Variants in LSS observed in about 807,000 individuals in gnomAD.
The protein encoded by LSS is 2,3-epoxysqualene-lanosterol cyclase.
LSS carries 90 observed loss-of-function variants against 110.3 expected under a neutral mutation model. The observed-to-expected ratio is 0.82, with a 90% confidence interval of 0.69 to 0.97. The LOEUF (loss-of-function observed/expected upper bound fraction) is 0.97, where lower values mean the gene tolerates loss of function less well. Ranked by LOEUF, LSS falls within the 50% of genes least tolerant of loss-of-function variation. LSS has a pLI of 0.00. For synonymous variants in LSS, 433 were observed against 400.0 expected, an observed-to-expected ratio of 1.08 and a Z score of -0.98; for missense variants, 927 against 990.0, an observed-to-expected ratio of 0.94 and a Z score of 0.85.
rs755472344 is a variant in LSS at position 46,194,563 on chromosome 21, C to T, written c.1916G>A (p.Arg639Gln). The T allele has an allele frequency of 9.3e-6, 15 of 1,613,700 alleles. No individual in the cohort carries two copies. The highest frequency in any genetic ancestry group is 1.7e-5 in the Admixed American group (1 of 59,992). Residue 639 changes from arginine (R) to glutamine (Q), a missense_variant, in exon 20 of 22, where the codon CGG (arginine) becomes CAG (glutamine). Coordinates refer to ENST00000397728, the MANE Select transcript of LSS (RefSeq NM_002340.6). ...WGEDFESCEE[R>Q]RYLQSAQSQI... ...GGACTGGGCACTCTGCAAATAACGC[C>T]GCTCCTCGCAGGACTCAAAGTCCTC...
At chr21:46,218,349 C>G (rs1265118275) in intron 6 of LSS, among the ~76,000 whole-genome samples, 1 of 83,444 alleles carries the variant, frequency 1.2e-5, no homozygotes, top group Non-Finnish European at 2.6e-5. Context: ...CCACATAAGG[C>G]CGGGAGCAGT....
chr21:46,203,312 G>T (rs1277280426), intron 17 of LSS, among the ~76,000 whole-genome samples: 3 of 152,222 alleles, frequency 2.0e-5, no homozygotes, highest in Non-Finnish European at 4.4e-5. Context: ...TGAGTAAAAT[G>T]ACACAACACC....
rs1050000613 is a variant in LSS at position 46,216,768 on chromosome 21, G to C, written c.648-244C>G. ...TTTTGCATCCTAAAACCAGGTGATG[G>C]AGCTCCTAAATGCTTAGGATTGTCC... On this transcript the variant is annotated intron_variant, in intron 6 of 21. Transcript: ENST00000397728. This position sits in a 1 kb window ranked among gnomAD's most constrained non-coding sequence, Gnocchi z 4.2. 5.3e-5 allele frequency among the ~76,000 whole-genome samples: 8 copies of C among 152,150 alleles called. No homozygotes were observed. The highest frequency in any genetic ancestry group is 1.9e-4 in the African/African-American group (8 of 41,438).
At chr21:46,215,399 C>CGGGGGGGGGG in intron 8 of LSS, 101 bp from the exon 9 acceptor site, 2 of 567,180 alleles carry the variant, frequency 3.5e-6, no homozygotes, top group Non-Finnish European at 6.0e-6. Context: ...CCCAGGGTTT[C>CGGGGGGGGGG]CCCCTCCCAC....
At chr21:46,222,794 C>T in intron 3 of LSS, 56 bp from the exon 4 acceptor site, 1 of 1,346,780 alleles carries the variant, frequency 7.4e-7, no homozygotes, top group Non-Finnish European at 1.1e-6. Context: ...ACTGCTAAGA[C>T]CAGGCCCCTT....
At chr21:46,194,118 T>C (rs774501883) in intron 20 of LSS, among the ~76,000 whole-genome samples, 2 of 152,160 alleles carry the variant, frequency 1.3e-5, no homozygotes, top group African/African-American at 2.4e-5. Flanking sequence ...GTGAACACAG[T>C]AGGGCCACAG....
rs77403751 is a variant in LSS at position 46,214,739 on chromosome 21, C to G, written c.1011+441G>C. 7.8e-3 allele frequency among the ~76,000 whole-genome samples: 1,185 copies of G among 152,292 alleles called. 20 individuals are homozygous for G. The highest frequency in any genetic ancestry group is 0.027 in the African/African-American group (1,109 of 41,536). On this transcript the variant is annotated intron_variant, in intron 9 of 21. Coordinates refer to ENST00000397728, the MANE Select transcript of LSS (RefSeq NM_002340.6). ...AGAGGTGAGAGCTCCAAGTCCCTAGCTAGGCAGGAGGAATCAGGAGTGGCA... is the reference window on the plus strand; with the variant it reads ...AGAGGTGAGAGCTCCAAGTCCCTAGGTAGGCAGGAGGAATCAGGAGTGGCA...
chr21:46,196,065 T>A, intron 18 of LSS, 137 bp downstream of exon 18: 1 of 867,132 alleles, frequency 1.2e-6, no homozygotes, highest in South Asian at 1.5e-5. Flanking sequence ...CCCCCAGAAG[T>A]CACGGGCTGG....
At chr21:46,226,005 C>T (rs903766221) in intron 3 of LSS, among the ~76,000 whole-genome samples, 2 of 151,982 alleles carry the variant, frequency 1.3e-5, no homozygotes, top group African/African-American at 2.4e-5. Flanking sequence ...AAAAACCTAC[C>T]GACCCTGTGG....
In LSS at chr21:46,203,084, GGAGA is replaced by G. The variant is rs766735508; in HGVS notation, c.1670+2748_1670+2751del. Among the ~76,000 whole-genome samples the G allele has an allele frequency of 2.6e-5, 4 of 152,314 alleles. No individual in the cohort carries two copies. The East Asian group carries it at 5.8e-4, about 22-fold the overall frequency. Reference sequence around the variant, plus strand: ...GCTGTACTGTTGCCCACTCAGGCAGGGAGAGAGATGAGCAGAGAAGAGAAGTCAC... The same window carrying G: ...GCTGTACTGTTGCCCACTCAGGCAGGGAGATGAGCAGAGAAGAGAAGTCAC... On this transcript the variant is annotated intron_variant, in intron 17 of 21. Transcript: ENST00000397728.
At chr21:46,201,767 T>C (rs570996212) in intron 17 of LSS, among the ~76,000 whole-genome samples, 39 of 151,854 alleles carry the variant, frequency 2.6e-4, no homozygotes, top group African/African-American at 9.2e-4. Context: ...AACTCCAAAC[T>C]GTATCTCAAA....
intron 20 of LSS, 192 bp from the exon 21 acceptor site, chr21:46,192,151 C>T (rs2079825529): frequency 1.6e-6 from 1 of 621,236 alleles, no homozygotes; most frequent in Non-Finnish European, 2.9e-6. Context: ...TTCCTAGGCT[C>T]CCTGAGAAGC....
At chr21:46,213,679 C>A in intron 10 of LSS, 59 bp downstream of exon 10, 1 of 1,482,392 alleles carries the variant, frequency 6.7e-7, no homozygotes. Context: ...TGGGATGCAG[C>A]TGGGGCTCAG....
At chr21:46,218,163 C>T (rs2080231080) in intron 6 of LSS, among the ~76,000 whole-genome samples, 1 of 145,202 alleles carries the variant, frequency 6.9e-6, no homozygotes, top group East Asian at 2.1e-4. Flanking sequence ...GCTGATAGCT[C>T]TCTAGGGGAC....
At position 46,198,031 on chromosome 21, in the gene LSS, A is replaced by G. The variant is rs74275969; in HGVS notation, c.1671-1764T>C. Among the ~76,000 whole-genome samples, 763 of 152,320 alleles carry G rather than the reference A, an allele frequency of 5.0e-3. 42 individuals carry two copies. The East Asian group carries it at 0.12, about 23-fold the overall frequency. On this transcript the variant is annotated intron_variant, in intron 17 of 21. Coordinates refer to ENST00000397728, the MANE Select transcript of LSS (RefSeq NM_002340.6). ...ATCCTCTAAATTAACAAAGGACACA[A>G]ATATATAATCATCTCAAAGCAGACG...
chr21:46,188,853 T>C lies in LSS; in HGVS notation c.*2251A>G, dbSNP rs1569011205. 2 of 458,462 alleles carry C rather than the reference T, an allele frequency of 4.4e-6. No homozygotes were observed. The highest frequency in any genetic ancestry group is 3.1e-5 in the South Asian group (2 of 63,690). The allele number at this position is 458,462 out of a possible 1,614,324, so 28.4% of individuals were successfully genotyped here. ...AGGAAAACAATGCAGTGAAAGAAAG[T>C]TCCTCCTATGTGGACATTGTATCAC... On this transcript the variant is annotated 3_prime_UTR_variant, in exon 22 of 22. Coordinates refer to ENST00000397728, the MANE Select transcript of LSS (RefSeq NM_002340.6).
chr21:46,215,271 T>C lies in LSS; in HGVS notation c.920A>G (p.His307Arg). 6.2e-7 allele frequency: 1 copy of C among 1,610,384 alleles called. No homozygotes were observed. Among genetic ancestry groups the C allele is most frequent in the Non-Finnish European group, 8.5e-7 (1 of 1,179,770 alleles). Residue 307 changes from histidine (H) to arginine (R), a missense_variant, in exon 9 of 22, where the codon CAC (histidine) becomes CGC (arginine). By Grantham distance (29) the His-to-Arg change is conservative (BLOSUM62 0). Coordinates refer to ENST00000397728, the MANE Select transcript of LSS (RefSeq NM_002340.6). ...GGCCCGCTGCCGCAGGTGGGCACTG[T>C]GGTGGTGCTCATACAGGTTGAGGAG... ...YALLNLYEHH[H>R]SAHLRQRAVQ...
chr21:46,215,863 T>A (rs2080200743), intron 7 of LSS, 70 bp from the exon 8 acceptor site: 1 of 1,054,062 alleles, frequency 9.5e-7, no homozygotes, highest in South Asian at 1.5e-5. Flanking sequence ...CCAGGAGGGG[T>A]GGCCTCCCAC....
Position 46,228,546 on chromosome 21 carries a change from C to T in LSS, c.68G>A (p.Gly23Asp). The change falls in exon 2 of 22, where the codon GGC becomes GAC. Residue 23 changes from glycine (G) to aspartate (D), a missense_variant. Transcript: ENST00000397728. ...PYKTEPATDL[G>D]RWRLNCERGR... ...CCTCTCGCAGTTGAGTCGCCAGCGG[C>T]CGAGGTCGGTGGCGGGCTCGGTCTT... is the stretch of plus-strand genomic sequence containing the variant. The T allele has an allele frequency of 1.3e-6, 2 of 1,597,956 alleles. No homozygotes were observed. The highest frequency in any genetic ancestry group is 1.7e-6 in the Non-Finnish European group (2 of 1,178,190).
Sources: gnomAD v4.1 joint callset for allele counts (sites outside exome capture counted in the v4.1 genomes callset) on GRCh38, gnomAD v4.1.1 for gene constraint, Gnocchi (gnomAD v3.1) non-coding constraint, MANE v1.5 for transcripts, NCBI Gene and HGNC (gene_info 2026-07-23, HGNC 2026-07-21) for gene names.